Variants in SH3PXD2A observed in about 807,000 individuals in gnomAD.
SH3PXD2A encodes the protein SH3 and PX domains 2A, also known as SH3 and PX domain-containing protein 2A.
A neutral mutation model predicts 115.2 loss-of-function variants in SH3PXD2A; 32 were observed. The ratio of observed to expected loss-of-function variants is 0.28; its 90% CI spans 0.21 to 0.37. The LOEUF (loss-of-function observed/expected upper bound fraction) is 0.37. Among genes scored for constraint, SH3PXD2A ranks in the 10% least tolerant of loss-of-function variants. The pLI is 1.00. For missense variants in SH3PXD2A, 1,328 were observed against 1,498.7 expected (o/e 0.89, Z 1.88); for synonymous variants, 610 against 629.1 (o/e 0.97, Z 0.45).
At chr10:103,830,147 A>C (rs967789794) in intron 1 of SH3PXD2A, among the ~76,000 whole-genome samples, 1 of 152,264 alleles carries the variant, frequency 6.6e-6, no homozygotes, top group Admixed American at 6.5e-5. Flanking sequence ...TAAGTAAAAA[A>C]ACAAAGGAGG....
At chr10:103,852,122 G>T (rs541102057) in intron 1 of SH3PXD2A, among the ~76,000 whole-genome samples, 1 of 152,340 alleles carries the variant, frequency 6.6e-6, no homozygotes, top group East Asian at 1.9e-4. Flanking sequence ...CAGAAAGCCA[G>T]GAAAGGAGCC....
At chr10:103,634,008 G>A (rs562530960) in intron 8 of SH3PXD2A, among the ~76,000 whole-genome samples, 31 of 152,318 alleles carry the variant, frequency 2.0e-4, no homozygotes, top group Middle Eastern at 3.4e-3. Flanking sequence ...CCCCTGTGCC[G>A]TACATTCGGC....
intron 8 of SH3PXD2A, among the ~76,000 whole-genome samples, chr10:103,641,689 C>T (rs897160377): frequency 1.3e-5 from 2 of 152,182 alleles, no homozygotes; most frequent in Non-Finnish European, 2.9e-5. Flanking sequence ...CTGGTGTCTA[C>T]GAAGCCCTGA....
intron 4 of SH3PXD2A, among the ~76,000 whole-genome samples, chr10:103,726,059 C>T (rs1156746678): frequency 1.3e-5 from 2 of 152,078 alleles, no homozygotes; most frequent in East Asian, 3.9e-4. Context: ...GAAGGATCCC[C>T]TGGTCCAAAC....
intron 8 of SH3PXD2A, among the ~76,000 whole-genome samples, chr10:103,652,491 G>A (rs1195628111): frequency 1.3e-5 from 2 of 152,166 alleles, no homozygotes; most frequent in Non-Finnish European, 2.9e-5. Flanking sequence ...CACTCCCACC[G>A]GAACAATTAC....
At chr10:103,625,207 C>T (rs190305582) in intron 9 of SH3PXD2A, among the ~76,000 whole-genome samples, 38 of 152,360 alleles carry the variant, frequency 2.5e-4, no homozygotes, top group Admixed American at 1.4e-3. Context: ...ACCTCTCGTG[C>T]GCTTTCCTGC....
At chr10:103,765,432 C>A (rs1162366286) in intron 3 of SH3PXD2A, among the ~76,000 whole-genome samples, 1 of 152,216 alleles carries the variant, frequency 6.6e-6, no homozygotes, top group Non-Finnish European at 1.5e-5. Flanking sequence ...GATGATGGAG[C>A]AGGTCTTCTC....
intron 6 of SH3PXD2A, among the ~76,000 whole-genome samples, chr10:103,681,344 T>C (rs950317521): frequency 3.3e-5 from 5 of 152,212 alleles, no homozygotes; most frequent in Non-Finnish European, 7.3e-5. Context: ...CAGGCACCAT[T>C]CATCTTGGGG....
chr10:103,799,674 T>C (rs2039128881), intron 2 of SH3PXD2A, among the ~76,000 whole-genome samples: 1 of 152,202 alleles, frequency 6.6e-6, no homozygotes, highest in Admixed American at 6.5e-5. Flanking sequence ...TCCACTGGCT[T>C]TCAGGCCCCC....
intron 5 of SH3PXD2A, among the ~76,000 whole-genome samples, chr10:103,694,770 C>T (rs1005163999): frequency 2.0e-5 from 3 of 152,078 alleles, no homozygotes; most frequent in African/African-American, 4.8e-5. Context: ...AAAACTGCAG[C>T]GTGGATGGTG....
chr10:103,716,262 G>A lies in SH3PXD2A; in HGVS notation c.398+8008C>T, dbSNP rs538598440. Among the ~76,000 whole-genome samples the A allele has an allele frequency of 8.5e-5, 13 of 152,272 alleles. No individual in the cohort carries two copies. In the South Asian group the frequency reaches 2.3e-3, roughly 27 times the overall value. On this transcript the variant is annotated intron_variant, in intron 5 of 14. Transcript: ENST00000369774. ...GGCCTCCCCTTTTGGCCTGCCCTGG[G>A]GTTCCCCGCAGGAGGCAGGGACACT...
chr10:103,732,569 C>T (rs1383687540), intron 4 of SH3PXD2A, among the ~76,000 whole-genome samples: 6 of 152,242 alleles, frequency 3.9e-5, no homozygotes, highest in Non-Finnish European at 7.3e-5. Context: ...CCAGCAAGGG[C>T]AGGGAGCCCA....
rs1317455341 is a variant in SH3PXD2A at position 103,771,309 on chromosome 10, T to G, written c.154-4140A>C. Among the ~76,000 whole-genome samples the G allele has an allele frequency of 2.6e-5, 4 of 152,192 alleles. No homozygotes were observed. The East Asian group carries it at 7.7e-4, about 29-fold the overall frequency. On this transcript the variant is annotated intron_variant, in intron 2 of 14. Coordinates refer to ENST00000369774, the MANE Select transcript of SH3PXD2A (RefSeq NM_001394015.1). ...TCCATCTCTTTCAGACCTAAGAGTC[T>G]GAGATTCTCACAGTGCAGAGGGAAT...
At chr10:103,715,266 C>A (rs572298241) in intron 5 of SH3PXD2A, among the ~76,000 whole-genome samples, 21 of 152,232 alleles carry the variant, frequency 1.4e-4, no homozygotes, top group Non-Finnish European at 2.4e-4. Context: ...ACCACGGGGG[C>A]CTTGCACAGA....
chr10:103,687,839 T>C (rs995937109), intron 6 of SH3PXD2A, among the ~76,000 whole-genome samples: 1 of 152,032 alleles, frequency 6.6e-6, no homozygotes, highest in Non-Finnish European at 1.5e-5. Context: ...CACTTTACCC[T>C]CCACTATTCT....
At chr10:103,693,237 C>T in intron 5 of SH3PXD2A, 181 bp from the exon 6 acceptor site, 1 of 152,442 alleles carries the variant, frequency 6.6e-6, no homozygotes, top group Non-Finnish European at 1.4e-5. Context: ...GCCCGCCCGC[C>T]CGCCCGCCCG....
Position 103,744,638 on chromosome 10 carries a change from C to T in SH3PXD2A, c.230-8830G>A, listed in dbSNP as rs538264843. Among the ~76,000 whole-genome samples the T allele has an allele frequency of 3.3e-5, 5 of 152,330 alleles. No homozygotes were observed. In the South Asian group the frequency reaches 1.0e-3, roughly 32 times the overall value. On this transcript the variant is annotated intron_variant, in intron 3 of 14. Coordinates refer to ENST00000369774, the MANE Select transcript of SH3PXD2A (RefSeq NM_001394015.1). Reference sequence around the variant, plus strand: ...GATCACACCCTGACACCCAATCCTTCCTTCTTCACTTGCAACATCTGGCTT... The same window carrying T: ...GATCACACCCTGACACCCAATCCTTTCTTCTTCACTTGCAACATCTGGCTT...
intron 3 of SH3PXD2A, among the ~76,000 whole-genome samples, chr10:103,736,286 GGCAATACCAAGGGAAGCATGGCTGTCCCA>G (rs2038379906): frequency 6.6e-6 from 1 of 152,224 alleles, no homozygotes; most frequent in African/African-American, 2.4e-5. Flanking sequence ...GCGGGCACAA[GGCAATACCAAGGGAAGCATGGCTGTCCCA>G]GCCTGACTCT....
intron 3 of SH3PXD2A, among the ~76,000 whole-genome samples, chr10:103,736,406 G>A (rs1253367140): frequency 1.3e-5 from 2 of 152,242 alleles, no homozygotes; most frequent in Non-Finnish European, 2.9e-5. Context: ...ACAGGTATGG[G>A]CAAGGCTTAC....
Sources: allele counts gnomAD v4.1 joint callset (sites outside exome capture counted in the v4.1 genomes callset), GRCh38; gene constraint gnomAD v4.1.1; transcripts MANE v1.5; gene names NCBI Gene and HGNC (gene_info 2026-07-23, HGNC 2026-07-21).